MAML3: variants seen among roughly 807,000 people sequenced by gnomAD.
MAML3 encodes the protein mastermind like transcriptional coactivator 3, also known as mastermind-like protein 3.
MAML3 carries 27 observed loss-of-function variants against 101.9 expected under a neutral mutation model. That is an observed-to-expected ratio of 0.27 (90% confidence interval 0.20 to 0.37). The LOEUF is 0.37. MAML3 is among the 10% of genes least tolerant of loss of function. The probability of loss-of-function intolerance (pLI) is 1.00; values close to 1 mark genes in which losing one functional copy is unlikely to be tolerated. For synonymous variants in MAML3, 501 were observed against 555.9 expected (o/e 0.90, Z 1.39); for missense variants, 1,316 against 1,444.9 (o/e 0.91, Z 1.45).
At chr4:139,934,427 G>T (rs980164705) in intron 1 of MAML3, among the ~76,000 whole-genome samples, 2 of 152,000 alleles carry the variant, frequency 1.3e-5, no homozygotes, top group African/African-American at 2.4e-5. Flanking sequence ...TTCTCAACTG[G>T]AAATACAGAT....
Position 139,963,142 on chromosome 4 carries a change from G to T in MAML3, c.469-72175C>A, listed in dbSNP as rs529029802. The stretch of plus-strand genomic sequence containing the variant: ...CAAACTTTAATGTGCATACAAGTTG[G>T]GTGCAGTGGATCATCCCTGTAGTCC... On this transcript the variant is annotated intron_variant, in intron 1 of 4. Coordinates refer to ENST00000509479, the MANE Select transcript of MAML3 (RefSeq NM_018717.5). 2.8e-4 allele frequency among the ~76,000 whole-genome samples: 43 copies of T among 152,232 alleles called. 1 individual carries two copies. The highest frequency in any genetic ancestry group is 2.2e-3 in the Admixed American group (34 of 15,284).
At chr4:140,114,635 T>C (rs1368418972) in intron 1 of MAML3, among the ~76,000 whole-genome samples, 1 of 152,184 alleles carries the variant, frequency 6.6e-6, no homozygotes, top group African/African-American at 2.4e-5. Context: ...TTAAGAAACT[T>C]TGGATTGTTC....
chr4:139,769,965 T>G lies in MAML3; in HGVS notation c.2080-39298A>C, dbSNP rs558626491. 3.1e-4 allele frequency among the ~76,000 whole-genome samples: 46 copies of G among 146,748 alleles called. No individual in the cohort carries two copies. In the East Asian group the frequency reaches 3.7e-3, roughly 12 times the overall value. On this transcript the variant is annotated intron_variant, in intron 2 of 4. Coordinates refer to ENST00000509479, the MANE Select transcript of MAML3 (RefSeq NM_018717.5). The stretch of plus-strand genomic sequence containing the variant: ...GACACAGTCTCCCTCTGTTGCCCAG[T>G]CCGGAGTGCAGTGGCACAATCAAGG...
At chr4:139,930,762 G>A (rs1239820154) in intron 1 of MAML3, among the ~76,000 whole-genome samples, 1 of 152,064 alleles carries the variant, frequency 6.6e-6, no homozygotes, top group African/African-American at 2.4e-5. Context: ...GAGGAGTAAC[G>A]TGACACTAGA....
At chr4:139,877,465 AG>A (rs1732138294) in intron 2 of MAML3, among the ~76,000 whole-genome samples, 2 of 152,336 alleles carry the variant, frequency 1.3e-5, no homozygotes, top group South Asian at 4.1e-4. Context: ...GACTATCTTT[AG>A]AAAGGACTCT....
chr4:139,996,021 C>A (rs142844136), intron 1 of MAML3, among the ~76,000 whole-genome samples: 4 of 151,918 alleles, frequency 2.6e-5, no homozygotes, highest in African/African-American at 9.7e-5. Context: ...TATTATCTAA[C>A]TTTTTCTTTT....
At chr4:139,872,668 G>C (rs771785929) in intron 2 of MAML3, among the ~76,000 whole-genome samples, 6 of 152,196 alleles carry the variant, frequency 3.9e-5, no homozygotes, top group Non-Finnish European at 8.8e-5. Context: ...GGACAGCACA[G>C]GGGACAAAGG....
chr4:139,911,455 C>A lies in MAML3; in HGVS notation c.469-20488G>T, dbSNP rs371088327. On this transcript the variant is annotated intron_variant, in intron 1 of 4. Coordinates refer to ENST00000509479, the MANE Select transcript of MAML3 (RefSeq NM_018717.5). ...CTGGTTGTGAACTCCTGAGCTCAGG[C>A]AATCTGCCCACTTCGGTCTCCCAAA... 1.8e-4 allele frequency among the ~76,000 whole-genome samples: 28 copies of A among 152,290 alleles called. No homozygotes were observed. The East Asian group carries it at 5.0e-3, about 27-fold the overall frequency.
chr4:139,848,491 T>C (rs752041609), intron 2 of MAML3, among the ~76,000 whole-genome samples: 4 of 152,208 alleles, frequency 2.6e-5, no homozygotes, highest in Admixed American at 1.3e-4. Context: ...AAAACAACAT[T>C]GAACACACCA....
At chr4:140,101,590 C>A (rs1453670563) in intron 1 of MAML3, among the ~76,000 whole-genome samples, 1 of 152,180 alleles carries the variant, frequency 6.6e-6, no homozygotes, top group Non-Finnish European at 1.5e-5. Context: ...TTACCATCCA[C>A]ATCTCTTGTG....
intron 2 of MAML3, among the ~76,000 whole-genome samples, chr4:139,780,524 T>C (rs911326259): frequency 6.6e-6 from 1 of 152,132 alleles, no homozygotes; most frequent in African/African-American, 2.4e-5. Flanking sequence ...CCTTGTATTT[T>C]CCCCCTTTTC....
At chr4:140,041,878 T>A (rs1458988571) in intron 1 of MAML3, among the ~76,000 whole-genome samples, 1 of 152,184 alleles carries the variant, frequency 6.6e-6, no homozygotes, top group East Asian at 1.9e-4. Flanking sequence ...GCCTATTTCA[T>A]GAGAAACCTT....
intron 1 of MAML3, among the ~76,000 whole-genome samples, chr4:140,131,057 T>C (rs143366314): frequency 6.6e-6 from 1 of 152,206 alleles, no homozygotes; most frequent in Non-Finnish European, 1.5e-5. Flanking sequence ...GCAGGGGGCA[T>C]GCACATACAC....
At chr4:139,830,445 C>T (rs1011013878) in intron 2 of MAML3, among the ~76,000 whole-genome samples, 10 of 129,526 alleles carry the variant, frequency 7.7e-5, no homozygotes, top group South Asian at 2.4e-4. Flanking sequence ...GACGGAGTCT[C>T]GCTCCGTCAC....
intron 1 of MAML3, among the ~76,000 whole-genome samples, chr4:139,922,358 A>G (rs1397282140): frequency 6.6e-6 from 1 of 152,130 alleles, no homozygotes; most frequent in Non-Finnish European, 1.5e-5. Context: ...TCATTACCAT[A>G]TCAAAGGCGA....
intron 1 of MAML3, among the ~76,000 whole-genome samples, chr4:139,904,012 A>G (rs1303610566): frequency 6.6e-6 from 1 of 152,176 alleles, no homozygotes; most frequent in Non-Finnish European, 1.5e-5. Context: ...GGAGGCAATA[A>G]TCCATTCATG....
intron 1 of MAML3, among the ~76,000 whole-genome samples, chr4:140,136,503 C>T (rs1348690703): frequency 6.6e-6 from 1 of 152,172 alleles, no homozygotes; most frequent in Non-Finnish European, 1.5e-5. Flanking sequence ...CTTAACCCTC[C>T]CCACTTTGTG....
At chr4:140,110,013 T>C (rs1728413868) in intron 1 of MAML3, among the ~76,000 whole-genome samples, 1 of 152,242 alleles carries the variant, frequency 6.6e-6, no homozygotes, top group South Asian at 2.1e-4. Context: ...AAAAGGAATC[T>C]TAAGTGGAAA....
intron 1 of MAML3, among the ~76,000 whole-genome samples, chr4:139,984,502 T>C (rs1219950147): frequency 6.6e-6 from 1 of 152,178 alleles, no homozygotes; most frequent in East Asian, 1.9e-4. Context: ...CATCCACTTA[T>C]TATAGCATAG....
Sources: allele counts gnomAD v4.1 joint callset (sites outside exome capture counted in the v4.1 genomes callset), GRCh38; gene constraint gnomAD v4.1.1; transcripts MANE v1.5; gene names NCBI Gene and HGNC (gene_info 2026-07-23, HGNC 2026-07-21).